SMARCC1: variants seen among roughly 807,000 people sequenced by gnomAD.
SMARCC1 encodes the protein SWI/SNF complex subunit SMARCC1.
Under a neutral mutation model 147.4 loss-of-function variants are expected in SMARCC1, and 43 were observed. That is an observed-to-expected ratio of 0.29 (90% CI 0.23 to 0.38). The LOEUF is 0.38. Among genes scored for constraint, SMARCC1 ranks in the 10% least tolerant of loss-of-function variants. SMARCC1 has a pLI of 1.00. For synonymous variants in SMARCC1, 495 were observed against 484.4 expected, an observed-to-expected ratio of 1.02 and a Z score of -0.29; for missense variants, 1,119 against 1,381.1, an observed-to-expected ratio of 0.81 and a Z score of 3.01.
intron 26 of SMARCC1, chr3:47,603,662 A>G (rs1393191428): frequency 2.6e-5 from 6 of 229,522 alleles, no homozygotes; most frequent in Non-Finnish European, 4.4e-5. Context: ...TGGCAGTCTT[A>G]TAGGGAGAAT....
At chr3:47,612,580 G>A (rs1240028751) in intron 25 of SMARCC1, among the ~76,000 whole-genome samples, 1 of 151,972 alleles carries the variant, frequency 6.6e-6, no homozygotes, top group African/African-American at 2.4e-5. Flanking sequence ...TATTAACCTT[G>A]GAAAGAAAAA....
intron 25 of SMARCC1, among the ~76,000 whole-genome samples, chr3:47,611,747 T>C (rs752968767): frequency 7.2e-5 from 11 of 152,166 alleles, no homozygotes; most frequent in Admixed American, 3.9e-4. Flanking sequence ...CCCTGTGAAA[T>C]TGAGTGAGAA....
intron 21 of SMARCC1, among the ~76,000 whole-genome samples, chr3:47,660,350 G>C (rs2033327986): frequency 1.3e-5 from 2 of 149,952 alleles, no homozygotes; most frequent in South Asian, 4.2e-4. Flanking sequence ...GGAGGCTGAA[G>C]CAGGAAAATG....
intron 24 of SMARCC1, among the ~76,000 whole-genome samples, chr3:47,633,916 C>CA (rs1485336038): frequency 6.6e-6 from 1 of 151,076 alleles, no homozygotes; most frequent in Non-Finnish European, 1.5e-5. Context: ...AGCTCAGAGA[C>CA]AAAGAGATGC....
chr3:47,749,766 G>C (rs1474892531), intron 2 of SMARCC1, among the ~76,000 whole-genome samples: 12 of 131,834 alleles, frequency 9.1e-5, no homozygotes, highest in African/African-American at 3.2e-4. Context: ...GAGAGAGAGA[G>C]GTGGCGGGGA....
At chr3:47,700,604 C>A (rs1367676943) in intron 11 of SMARCC1, among the ~76,000 whole-genome samples, 1 of 152,114 alleles carries the variant, frequency 6.6e-6, no homozygotes, top group East Asian at 1.9e-4. Context: ...CTGCAACCTC[C>A]GCCTCCTGCA....
intron 1 of SMARCC1, among the ~76,000 whole-genome samples, chr3:47,778,627 T>G (rs1251882056): frequency 6.6e-6 from 1 of 151,974 alleles, no homozygotes; most frequent in Non-Finnish European, 1.5e-5. Context: ...CAATTAATCT[T>G]TTGATCAAAA....
chr3:47,682,069 C>T (rs998851595), intron 14 of SMARCC1, among the ~76,000 whole-genome samples: 3 of 151,772 alleles, frequency 2.0e-5, no homozygotes, highest in African/African-American at 7.3e-5. Context: ...TTCACACACA[C>T]ACTTTTTTTT....
intron 21 of SMARCC1, among the ~76,000 whole-genome samples, chr3:47,641,852 G>A (rs569048083): frequency 1.3e-5 from 2 of 152,120 alleles, no homozygotes; most frequent in Admixed American, 1.3e-4. Flanking sequence ...GCTCACTGCA[G>A]CCTCAAACTC....
intron 21 of SMARCC1, among the ~76,000 whole-genome samples, chr3:47,648,388 A>AT (rs2033145304): frequency 6.6e-6 from 1 of 151,676 alleles, no homozygotes; most frequent in Non-Finnish European, 1.5e-5. Flanking sequence ...GTAAGAATTC[A>AT]TTTTTTTATT....
chr3:47,636,465 C>T (rs905793187), intron 22 of SMARCC1, among the ~76,000 whole-genome samples: 3 of 152,048 alleles, frequency 2.0e-5, no homozygotes, highest in Non-Finnish European at 2.9e-5. Context: ...AAAAACAGGC[C>T]GGGCCGGGTG....
chr3:47,602,019 T>C (rs2032395576), intron 26 of SMARCC1, among the ~76,000 whole-genome samples: 1 of 151,948 alleles, frequency 6.6e-6, no homozygotes, highest in Admixed American at 6.6e-5. Context: ...CTTTTCTTTT[T>C]CGGTGTGGGG....
intron 2 of SMARCC1, among the ~76,000 whole-genome samples, chr3:47,756,671 TG>T (rs2034702392): frequency 6.6e-6 from 1 of 152,208 alleles, no homozygotes; most frequent in African/African-American, 2.4e-5. Context: ...AGTCCACTCT[TG>T]TTTTTGTAAA....
intron 21 of SMARCC1, among the ~76,000 whole-genome samples, chr3:47,659,787 G>A (rs1179693396): frequency 1.4e-5 from 2 of 139,234 alleles, no homozygotes; most frequent in Non-Finnish European, 3.0e-5. Context: ...ATCTGAGTAG[G>A]TATTTCCCAA....
At chr3:47,645,292 C>G (rs572262450) in intron 21 of SMARCC1, among the ~76,000 whole-genome samples, 3 of 150,348 alleles carry the variant, frequency 2.0e-5, no homozygotes, top group Admixed American at 6.6e-5. Context: ...CCCTGTCCCC[C>G]CCACCAAAAA....
intron 26 of SMARCC1, chr3:47,603,750 A>G (rs2032425172): frequency 3.5e-6 from 1 of 282,314 alleles, no homozygotes; most frequent in African/African-American, 2.2e-5. Context: ...TATTTCATTA[A>G]GATCAACAAA....
intron 2 of SMARCC1, among the ~76,000 whole-genome samples, chr3:47,769,239 G>A (rs977837533): frequency 3.5e-4 from 51 of 146,628 alleles, no homozygotes; most frequent in African/African-American, 1.0e-3. Flanking sequence ...AAAAAGGGCC[G>A]GGCACAGTGG....
At chr3:47,638,072 G>A (rs1014244758) in intron 22 of SMARCC1, among the ~76,000 whole-genome samples, 22 of 151,974 alleles carry the variant, frequency 1.4e-4, no homozygotes, top group African/African-American at 5.1e-4. Flanking sequence ...CTTAAAATTC[G>A]ATATTCACAA....
chr3:47,624,014 C>T (rs1001842009), intron 24 of SMARCC1, among the ~76,000 whole-genome samples: 2 of 151,848 alleles, frequency 1.3e-5, no homozygotes, highest in Admixed American at 6.6e-5. Flanking sequence ...ATTGGTCAGC[C>T]GTGGTGGCTC....
Sources: gnomAD v4.1 joint callset for allele counts (sites outside exome capture counted in the v4.1 genomes callset) on GRCh38, gnomAD v4.1.1 for gene constraint, MANE v1.5 for transcripts, NCBI Gene and HGNC (gene_info 2026-07-23, HGNC 2026-07-21) for gene names.